RBMS3: variants seen among roughly 807,000 people sequenced by gnomAD.
The protein encoded by RBMS3 is RNA-binding motif, single-stranded-interacting protein 3.
Under a neutral mutation model 66.8 loss-of-function variants are expected in RBMS3, and 27 were observed. That is an observed-to-expected ratio of 0.40 (90% CI 0.30 to 0.56). The LOEUF (loss-of-function observed/expected upper bound fraction) is 0.56. Ranked by LOEUF, RBMS3 falls within the 20% of genes least tolerant of loss-of-function variation. The pLI is 0.40. For synonymous variants in RBMS3, 188 were observed against 183.0 expected, an observed-to-expected ratio of 1.03 and a Z score of -0.22; for missense variants, 513 against 549.5, an observed-to-expected ratio of 0.93 and a Z score of 0.66.
intron 6 of RBMS3, among the ~76,000 whole-genome samples, chr3:29,830,547 C>T (rs1305978318): frequency 6.6e-6 from 1 of 152,034 alleles, no homozygotes; most frequent in Non-Finnish European, 1.5e-5. Flanking sequence ...GAGTAAAATA[C>T]ATAGAATGGG....
chr3:29,826,119 G>A (rs1023952472), intron 6 of RBMS3, among the ~76,000 whole-genome samples: 1 of 151,994 alleles, frequency 6.6e-6, no homozygotes, highest in African/African-American at 2.4e-5. Context: ...ATATACTGAT[G>A]GCATGTATAT....
In RBMS3 at chr3:29,907,311, T is replaced by A. The variant is rs542924920; in HGVS notation, c.939+7556T>A. Among the ~76,000 whole-genome samples the A allele has an allele frequency of 2.6e-5, 4 of 152,260 alleles. No individual in the cohort carries two copies. The South Asian group carries it at 8.3e-4, about 32-fold the overall frequency. On this transcript the variant is annotated intron_variant, in intron 10 of 14. Transcript: ENST00000383767. ...CTCAGCTTTTCCAGGTCATCAAAAATAATATAATTTTCCACCTGATTTTAA... is the reference window on the plus strand; with the variant it reads ...CTCAGCTTTTCCAGGTCATCAAAAAAAATATAATTTTCCACCTGATTTTAA...
intron 4 of RBMS3, among the ~76,000 whole-genome samples, chr3:29,622,594 G>T (rs936042765): frequency 9.2e-5 from 14 of 152,300 alleles, no homozygotes; most frequent in Middle Eastern, 3.4e-3. Flanking sequence ...GTCCTATATA[G>T]TGGTAGCATC....
chr3:29,671,737 A>G lies in RBMS3; in HGVS notation c.400-67983A>G, dbSNP rs9810580. Among the ~76,000 whole-genome samples, 993 of 152,334 alleles carry G rather than the reference A, an allele frequency of 6.5e-3. 8 individuals are homozygous for G. The highest frequency in any genetic ancestry group is 0.027 in the Middle Eastern group (8 of 294). The stretch of plus-strand genomic sequence containing the variant: ...GCGAGAAGAGAAGTTTAGAGAAAAA[A>G]GAGTAAAAAGCAACAAACAAAGCCT... On this transcript the variant is annotated intron_variant, in intron 4 of 14. Transcript: ENST00000383767.
intron 1 of RBMS3, among the ~76,000 whole-genome samples, chr3:29,360,122 C>G (rs1253936736): frequency 6.6e-6 from 1 of 152,068 alleles, no homozygotes; most frequent in African/African-American, 2.4e-5. Context: ...TTCTCTAGTT[C>G]TTTTCATTGT....
At chr3:29,705,883 G>T (rs1345810577) in intron 4 of RBMS3, among the ~76,000 whole-genome samples, 1 of 152,236 alleles carries the variant, frequency 6.6e-6, no homozygotes, top group South Asian at 2.1e-4. Context: ...AACAAACTGT[G>T]GTAATATCAG....
intron 7 of RBMS3, among the ~76,000 whole-genome samples, chr3:29,869,351 C>A (rs909018860): frequency 1.3e-5 from 2 of 152,076 alleles, no homozygotes; most frequent in South Asian, 2.1e-4. Context: ...TTGAAACAGG[C>A]AGACAAAATT....
intron 1 of RBMS3, among the ~76,000 whole-genome samples, chr3:29,283,012 T>C (rs1420446565): frequency 3.3e-5 from 5 of 152,132 alleles, no homozygotes; most frequent in Non-Finnish European, 7.4e-5. Context: ...GAGCATTTAG[T>C]TTGTGCTGCT....
chr3:29,546,649 G>A (rs1044375407), intron 3 of RBMS3, among the ~76,000 whole-genome samples: 1 of 152,166 alleles, frequency 6.6e-6, no homozygotes, highest in Non-Finnish European at 1.5e-5. Flanking sequence ...ACATACATGA[G>A]GGCTAGTAGC....
At chr3:29,934,841 T>C (rs1430663792) in intron 10 of RBMS3, among the ~76,000 whole-genome samples, 2 of 152,080 alleles carry the variant, frequency 1.3e-5, no homozygotes, top group African/African-American at 2.4e-5. Context: ...GCCTGATCTT[T>C]TTCACAGATA....
At chr3:29,392,227 G>A (rs544071613) in intron 1 of RBMS3, among the ~76,000 whole-genome samples, 7 of 152,284 alleles carry the variant, frequency 4.6e-5, no homozygotes, top group African/African-American at 1.7e-4. Context: ...TCCAGCCTGG[G>A]CAACAGAGGG....
intron 2 of RBMS3, among the ~76,000 whole-genome samples, chr3:29,454,628 A>G (rs2042121070): frequency 6.6e-6 from 1 of 152,204 alleles, no homozygotes; most frequent in African/African-American, 2.4e-5. Flanking sequence ...TAAGTTTATG[A>G]CTAGAATATC....
chr3:29,283,618 C>G (rs985136193), intron 1 of RBMS3, among the ~76,000 whole-genome samples: 2 of 152,092 alleles, frequency 1.3e-5, no homozygotes, highest in African/African-American at 4.8e-5. Context: ...TCTTGTTACT[C>G]TCAAGCTAGC....
chr3:29,752,604 C>T (rs2055231546), intron 5 of RBMS3, among the ~76,000 whole-genome samples: 1 of 152,164 alleles, frequency 6.6e-6, no homozygotes, highest in Non-Finnish European at 1.5e-5. Context: ...TAAAATGTCA[C>T]ATACACATGC....
chr3:29,505,358 A>G (rs962138281), intron 3 of RBMS3, among the ~76,000 whole-genome samples: 5 of 151,848 alleles, frequency 3.3e-5, no homozygotes, highest in Non-Finnish European at 7.4e-5. Context: ...TCAAAACTCA[A>G]TTGACTGTAA....
intron 4 of RBMS3, among the ~76,000 whole-genome samples, chr3:29,594,487 T>C (rs1480249476): frequency 3.9e-5 from 6 of 152,218 alleles, no homozygotes; most frequent in African/African-American, 7.2e-5. Context: ...GAATGACTGA[T>C]GCAATGTAAT....
chr3:29,427,386 C>T (rs1332701561), intron 1 of RBMS3, among the ~76,000 whole-genome samples: 1 of 152,160 alleles, frequency 6.6e-6, no homozygotes, highest in Non-Finnish European at 1.5e-5. Flanking sequence ...TTCATATTCA[C>T]CCTCATTTAA....
chr3:29,539,892 T>C (rs1258823338), intron 3 of RBMS3, among the ~76,000 whole-genome samples: 1 of 152,246 alleles, frequency 6.6e-6, no homozygotes, highest in Non-Finnish European at 1.5e-5. Flanking sequence ...TCAGTTTATT[T>C]CTTGAAGAAT....
At chr3:29,464,050 C>A (rs140491430) in intron 2 of RBMS3, among the ~76,000 whole-genome samples, 2,514 of 152,118 alleles carry the variant, frequency 0.017, 35 homozygotes, top group Non-Finnish European at 0.021. Flanking sequence ...GTCTTTGAGA[C>A]CTTCAAGATC....
Sources: allele counts gnomAD v4.1 joint callset (sites outside exome capture counted in the v4.1 genomes callset), GRCh38; gene constraint gnomAD v4.1.1; transcripts MANE v1.5; gene names NCBI Gene and HGNC (gene_info 2026-07-23, HGNC 2026-07-21).